Variants in KAZN observed in about 807,000 individuals in gnomAD.
KAZN encodes the protein kazrin.
In KAZN, 40 loss-of-function variants were observed where a neutral mutation model predicts 87.4. That is an observed-to-expected ratio of 0.46 (90% confidence interval 0.36 to 0.60). The LOEUF is 0.60. Among genes scored for constraint, KAZN ranks in the 20% least tolerant of loss-of-function variants. The probability of loss-of-function intolerance (pLI) is 0.00; values close to 1 mark genes in which losing one functional copy is unlikely to be tolerated. For missense variants in KAZN, 898 were observed against 1,073.9 expected (o/e 0.84, Z 2.29); for synonymous variants, 466 against 458.3 (o/e 1.02, Z -0.22).
At chr1:13,963,759 C>CTGTGTGTGTGTGTGTG (rs70987708) in intron 1 of KAZN, among the ~76,000 whole-genome samples, 1 of 141,902 alleles carries the variant, frequency 7.0e-6, no homozygotes, top group Non-Finnish European at 1.6e-5. Flanking sequence ...CTGCTGTGGT[C>CTGTGTGTGTGTGTGTG]TGTGTGTGTG....
chr1:14,991,066 C>T (rs1017526650), intron 2 of KAZN, among the ~76,000 whole-genome samples: 1 of 151,574 alleles, frequency 6.6e-6, no homozygotes, highest in Admixed American at 6.6e-5. Context: ...AAAGAACCAA[C>T]CCTTGGCCGG....
chr1:14,902,068 C>T (rs1019609046), intron 1 of KAZN, among the ~76,000 whole-genome samples: 3 of 152,038 alleles, frequency 2.0e-5, no homozygotes, highest in Non-Finnish European at 2.9e-5. Flanking sequence ...AGGCACCTAG[C>T]GAGGTGGGAG....
intron 2 of KAZN, among the ~76,000 whole-genome samples, chr1:14,450,373 G>A (rs1024466657): frequency 7.2e-5 from 11 of 152,140 alleles, no homozygotes; most frequent in African/African-American, 2.7e-4. Context: ...TAGATCACCT[G>A]AGGTCAAGAG....
chr1:14,243,219 CTCTTT>C (rs1649139238), intron 2 of KAZN, among the ~76,000 whole-genome samples: 2 of 152,194 alleles, frequency 1.3e-5, no homozygotes, highest in African/African-American at 2.4e-5. Context: ...CAGCATCTTT[CTCTTT>C]TCTTTGAGAG....
At chr1:15,091,802 A>C (rs1223091599) in intron 8 of KAZN, among the ~76,000 whole-genome samples, 1 of 152,222 alleles carries the variant, frequency 6.6e-6, no homozygotes, top group African/African-American at 2.4e-5. Context: ...TAATTTTTCC[A>C]AAGTTTTTAT....
chr1:15,055,800 G>A (rs1332700815), intron 4 of KAZN, among the ~76,000 whole-genome samples: 1 of 152,214 alleles, frequency 6.6e-6, no homozygotes, highest in Non-Finnish European at 1.5e-5. Flanking sequence ...CTTGGTCTCT[G>A]TCTGGATTTG....
In KAZN at chr1:15,092,876, C is replaced by T. The variant is rs78406388; in HGVS notation, c.1223-1304C>T. ...TCATATTTACCAGGCCTTGATGCAACGAACCATATATAGAAGAGTGGGGTT... is the reference window on the plus strand; with the variant it reads ...TCATATTTACCAGGCCTTGATGCAATGAACCATATATAGAAGAGTGGGGTT... On this transcript the variant is annotated intron_variant, in intron 8 of 14. Coordinates refer to ENST00000376030, the MANE Select transcript of KAZN (RefSeq NM_201628.3). Among the ~76,000 whole-genome samples, 1,085 of 151,660 alleles carry T rather than the reference C, an allele frequency of 7.2e-3. 13 individuals carry two copies. The highest frequency in any genetic ancestry group is 0.025 in the African/African-American group (1,042 of 41,258).
chr1:14,664,158 C>A (rs6674270), intron 1 of KAZN, among the ~76,000 whole-genome samples: 2 of 152,150 alleles, frequency 1.3e-5, no homozygotes, highest in African/African-American at 4.8e-5. Flanking sequence ...ACTGGCCGGG[C>A]GTAGTGGCTC....
chr1:14,729,819 G>T (rs2100353671), intron 1 of KAZN, among the ~76,000 whole-genome samples: 1 of 152,176 alleles, frequency 6.6e-6, no homozygotes, highest in East Asian at 1.9e-4. Flanking sequence ...GCCTATGATG[G>T]TTTTTTTGTT....
At chr1:14,621,785 C>T (rs1678715264) in intron 1 of KAZN, among the ~76,000 whole-genome samples, 1 of 152,210 alleles carries the variant, frequency 6.6e-6, no homozygotes, top group Non-Finnish European at 1.5e-5. Context: ...TGACTTTGCG[C>T]CTCCTTGCCT....
At position 14,086,050 on chromosome 1, in the gene KAZN, C is replaced by A. The variant is rs147977223; in HGVS notation, c.92-94385C>A. On this transcript the variant is annotated intron_variant, in intron 1 of 16. Coordinates refer to the KAZN transcript ENST00000636203. Reference sequence around the variant, plus strand: ...CTTATTTGCCATCCTCTTAAATATACTTTGGTGAGATGTCTGTTCAAATCC... The same window carrying A: ...CTTATTTGCCATCCTCTTAAATATAATTTGGTGAGATGTCTGTTCAAATCC... Among the ~76,000 whole-genome samples the A allele has an allele frequency of 6.5e-3, 991 of 152,234 alleles. 11 individuals are homozygous for A. The South Asian group carries it at 0.066, about 10-fold the overall frequency.
chr1:15,092,366 T>G (rs1014996557), intron 8 of KAZN, among the ~76,000 whole-genome samples: 6 of 152,128 alleles, frequency 3.9e-5, no homozygotes, highest in African/African-American at 1.2e-4. Flanking sequence ...TGAGCCACTG[T>G]GCCCAGCCAG....
At chr1:14,462,090 T>G (rs1667883012) in intron 2 of KAZN, among the ~76,000 whole-genome samples, 1 of 151,252 alleles carries the variant, frequency 6.6e-6, no homozygotes, top group Admixed American at 6.6e-5. Flanking sequence ...CATTCAAAGC[T>G]AAAAGTCTCC....
At position 13,982,142 on chromosome 1, in the gene KAZN, T is replaced by G. The variant is rs182751015; in HGVS notation, c.91+88386T>G. On this transcript the variant is annotated intron_variant, in intron 1 of 16. Coordinates refer to the KAZN transcript ENST00000636203. ...GACTCCAGTCCGGCCAGGGCCTGAA[T>G]CCAGGCAGGGAAGGACATCCTGGGC... Among the ~76,000 whole-genome samples, 152 of 152,314 alleles carry G rather than the reference T, an allele frequency of 1.0e-3. 1 individual carries two copies. The Middle Eastern group carries it at 0.014, about 14-fold the overall frequency.
intron 8 of KAZN, among the ~76,000 whole-genome samples, chr1:15,083,763 C>T (rs1640119246): frequency 6.6e-6 from 1 of 152,180 alleles, no homozygotes; most frequent in Admixed American, 6.5e-5. Flanking sequence ...GGGCCAGGAG[C>T]CATTTCCCAG....
At chr1:14,860,394 G>A (rs2101018461) in intron 1 of KAZN, among the ~76,000 whole-genome samples, 1 of 152,260 alleles carries the variant, frequency 6.6e-6, no homozygotes, top group Middle Eastern at 3.4e-3. Flanking sequence ...GTTTCACCAT[G>A]TCGGCCAGGC....
intron 1 of KAZN, among the ~76,000 whole-genome samples, chr1:14,083,808 T>A (rs1257052057): frequency 6.6e-6 from 1 of 152,240 alleles, no homozygotes; most frequent in East Asian, 1.9e-4. Context: ...TGGGCCCAGA[T>A]GTTGTTTTCA....
intron 1 of KAZN, among the ~76,000 whole-genome samples, chr1:13,985,078 A>G (rs1010895444): frequency 6.6e-6 from 1 of 152,196 alleles, no homozygotes; most frequent in African/African-American, 2.4e-5. Flanking sequence ...TTCTCCAGAA[A>G]AACAGAACCA....
intron 1 of KAZN, among the ~76,000 whole-genome samples, chr1:14,091,583 T>A (rs1001025561): frequency 3.9e-5 from 6 of 152,238 alleles, no homozygotes; most frequent in Non-Finnish European, 7.3e-5. Flanking sequence ...TACATCTTAC[T>A]GTAACATTTA....
Sources: allele counts gnomAD v4.1 joint callset (sites outside exome capture counted in the v4.1 genomes callset), GRCh38; gene constraint gnomAD v4.1.1; transcripts MANE v1.5; gene names NCBI Gene and HGNC (gene_info 2026-07-23, HGNC 2026-07-21).